Variants in OR6B3 observed in about 807,000 individuals in gnomAD.
OR6B3 encodes olfactory receptor 6B3.
For missense variants in OR6B3, 315 were observed against 427.4 expected, an observed-to-expected ratio of 0.74 and a Z score of 2.32; for synonymous variants, 148 against 187.8, an observed-to-expected ratio of 0.79 and a Z score of 1.73.
upstream of OR6B3, among the ~76,000 whole-genome samples, chr2:240,049,002 T>C (rs1488718752): frequency 1.3e-5 from 2 of 152,032 alleles, no homozygotes; most frequent in African/African-American, 4.8e-5. Context: ...GGGACATGGA[T>C]GGTGGGAGTC....
chr2:240,051,973 C>T (rs1698259889), upstream of OR6B3, among the ~76,000 whole-genome samples: 1 of 152,230 alleles, frequency 6.6e-6, no homozygotes, highest in Admixed American at 6.5e-5. Flanking sequence ...GTTGTAACTA[C>T]TGCTACGTAA....
chr2:240,052,966 A>G, the OR6B3 span, among the ~76,000 whole-genome samples: 1 of 151,814 alleles, frequency 6.6e-6, no homozygotes, highest in Admixed American at 6.6e-5. This position sits in a 1 kb window ranked among gnomAD's most constrained non-coding sequence, Gnocchi z 4.5. Context: ...TGCCCAGCTC[A>G]TTTTTGTGTC....
At chr2:240,045,428 C>G in exon 2 of OR6B3, 1 of 1,614,170 alleles carries the variant, frequency 6.2e-7, no homozygotes, top group Non-Finnish European at 8.5e-7. Flanking sequence ...CATATGACAG[C>G]ATGGTGGCCA....
chr2:240,053,340 G>A, the OR6B3 span, among the ~76,000 whole-genome samples: 5,325 of 152,290 alleles, frequency 0.035, 316 homozygotes, highest in African/African-American at 0.12. This position sits in a 1 kb window ranked among gnomAD's most constrained non-coding sequence, Gnocchi z 4.1. Flanking sequence ...TGGAAGATCT[G>A]AGGCAACACC....
At chr2:240,052,600 G>A in the OR6B3 span, among the ~76,000 whole-genome samples, 1 of 152,028 alleles carries the variant, frequency 6.6e-6, no homozygotes, top group African/African-American at 2.4e-5. The surrounding 1 kb of genome is among the most constrained non-coding windows in gnomAD (Gnocchi z 4.5). Context: ...AACCAACCGG[G>A]TCTGTTCTTC....
exon 2 of OR6B3, chr2:240,045,845 G>A: frequency 2.5e-6 from 4 of 1,612,250 alleles, no homozygotes; most frequent in African/African-American, 2.7e-5. Context: ...TGGGGGTGAT[G>A]TCAGACACGT....
chr2:240,046,898 C>CA, intron 1 of OR6B3, 54 bp downstream of exon 2: 1 of 152,216 alleles, frequency 6.6e-6, no homozygotes, highest in Non-Finnish European at 1.5e-5. Flanking sequence ...AGGCTTACAT[C>CA]TCTAAGTTGA....
intron 1 of OR6B3, among the ~76,000 whole-genome samples, chr2:240,046,349 C>G (rs778645162): frequency 6.6e-6 from 1 of 152,150 alleles, no homozygotes; most frequent in Non-Finnish European, 1.5e-5. Flanking sequence ...ACCAGTCTCC[C>G]TCATCTCTCA....
At chr2:240,045,326 G>A (rs376012671) in exon 2 of OR6B3, 45 of 1,614,068 alleles carry the variant, frequency 2.8e-5, no homozygotes, top group Non-Finnish European at 3.6e-5. Flanking sequence ...TATAGAAGAC[G>A]GTGACCACGG....
chr2:240,050,721 C>CAAA (rs61309204), upstream of OR6B3, among the ~76,000 whole-genome samples: 1 of 57,334 alleles, frequency 1.7e-5, no homozygotes, highest in Non-Finnish European at 4.2e-5. Flanking sequence ...CTCAAAGAGA[C>CAAA]AAAAAAAAAA....
upstream of OR6B3, among the ~76,000 whole-genome samples, chr2:240,048,573 C>T (rs1199858187): frequency 1.3e-5 from 2 of 152,076 alleles, no homozygotes; most frequent in Non-Finnish European, 2.9e-5. Flanking sequence ...AGGAGCTATG[C>T]CTCTCTCACT....
At chr2:240,046,238 C>A (rs756297099) in intron 1 of OR6B3, 141 bp from the exon 3 acceptor site, 6 of 609,190 alleles carry the variant, frequency 9.8e-6, no homozygotes, top group African/African-American at 1.8e-5. Flanking sequence ...GCAAAAGCAG[C>A]TCCCCACCCA....
rs1482262453 is a variant in OR6B3 at position 240,046,193 on chromosome 2, A to C, written c.-25-96T>G. 3 of 834,382 alleles carry C rather than the reference A, an allele frequency of 3.6e-6. No individual in the cohort carries two copies. In the African/African-American group the frequency reaches 5.2e-5, roughly 14 times the overall value. The allele number at this position is 834,382 out of a possible 1,614,324, so 51.7% of individuals were successfully genotyped here. A position where few individuals can be genotyped will look rare whatever the true frequency, so the allele number is the denominator to read the frequency against. On this transcript the variant is annotated intron_variant, in intron 1 of 1. Coordinates refer to ENST00000641019, the Ensembl canonical transcript of OR6B3. The stretch of plus-strand genomic sequence containing the variant: ...CTGGATAGGGAGTTTTGGTGTAAAG[A>C]GAGGCCACGTGGCTCCCCAGAGCAC...
exon 2 of OR6B3, chr2:240,045,497 G>A: frequency 1.9e-6 from 3 of 1,613,886 alleles, no homozygotes; most frequent in Non-Finnish European, 2.5e-6. Context: ...CTGCAGTGGA[G>A]AAGTCCGTGC....
chr2:240,049,420 A>G (rs528472143), upstream of OR6B3, among the ~76,000 whole-genome samples: 1 of 152,336 alleles, frequency 6.6e-6, no homozygotes, highest in East Asian at 1.9e-4. Flanking sequence ...CCAGACCTGG[A>G]ATTATTCATG....
chr2:240,045,864 T>C (rs1243137582), exon 2 of OR6B3: 1 of 1,612,808 alleles, frequency 6.2e-7, no homozygotes, highest in African/African-American at 1.3e-5. Flanking sequence ...GTACCAGATC[T>C]CTAGGAAAGA....
chr2:240,045,291 C>G (rs771193171), exon 2 of OR6B3: 1 of 1,614,146 alleles, frequency 6.2e-7, no homozygotes, highest in Admixed American at 1.7e-5. Context: ...GGCCTGGGGC[C>G]GGACATACAT....
chr2:240,051,103 G>A (rs1293751507), upstream of OR6B3, among the ~76,000 whole-genome samples: 2 of 152,182 alleles, frequency 1.3e-5, no homozygotes, highest in Admixed American at 1.3e-4. Context: ...AGTAGGCTTA[G>A]AGTTGAGGAC....
chr2:240,051,510 C>A (rs1225422767), upstream of OR6B3, among the ~76,000 whole-genome samples: 1 of 152,186 alleles, frequency 6.6e-6, no homozygotes, highest in Non-Finnish European at 1.5e-5. Flanking sequence ...ATTAGGTAAA[C>A]CCTTAGAGAG....
Sources: allele counts gnomAD v4.1 joint callset (sites outside exome capture counted in the v4.1 genomes callset), GRCh38; gene constraint gnomAD v4.1.1; non-coding constraint Gnocchi (gnomAD v3.1); transcripts MANE v1.5; gene names NCBI Gene and HGNC (gene_info 2026-07-23, HGNC 2026-07-21).